The following PPP1CC variants were observed in gnomAD, a reference collection of about 807,000 sequenced individuals.
PPP1CC encodes protein phosphatase 1 catalytic subunit gamma.
PPP1CC carries 16 observed loss-of-function variants against 38.4 expected under a neutral mutation model. The observed-to-expected ratio is 0.42, with a 90% confidence interval of 0.28 to 0.63. The LOEUF (loss-of-function observed/expected upper bound fraction) is 0.63, where lower values mean the gene tolerates loss of function less well. PPP1CC is among the 30% of genes least tolerant of loss of function. The probability of loss-of-function intolerance (pLI) is 0.25; values close to 1 mark genes in which losing one functional copy is unlikely to be tolerated. For synonymous variants in PPP1CC, 158 were observed against 136.0 expected (o/e 1.16, Z -1.13); for missense variants, 170 against 391.3 (o/e 0.43, Z 4.77).
chr12:110,716,314 A>C (rs1279299677), downstream of PPP1CC, among the ~76,000 whole-genome samples: 2 of 152,102 alleles, frequency 1.3e-5, no homozygotes, highest in Non-Finnish European at 2.9e-5. Context: ...TTATGTAGGT[A>C]AAATTCTATT....
chr12:110,742,830 G>A lies in PPP1CC; in HGVS notation c.-123C>T, dbSNP rs1022021436. The A allele has an allele frequency of 1.4e-5, 10 of 725,548 alleles. No individual in the cohort carries two copies. Among genetic ancestry groups the A allele is most frequent in the Admixed American group, 8.7e-5 (2 of 22,948 alleles). The allele number at this position is 725,548 out of a possible 1,614,324, so 44.9% of individuals were successfully genotyped here. On this transcript the variant is annotated 5_prime_UTR_variant, in exon 1 of 7. Transcript: ENST00000335007. ...GCGGCGGTGGCAGCAGCCGCGGCGG[G>A]TCCCCCCCCTGCCACCCCGCTCCCT... is the stretch of plus-strand genomic sequence containing the variant.
intron 4 of PPP1CC, among the ~76,000 whole-genome samples, chr12:110,723,672 G>A (rs1258953366): frequency 6.6e-6 from 1 of 152,086 alleles, no homozygotes; most frequent in East Asian, 1.9e-4. Context: ...ATTACACCTG[G>A]CTAACTTTTA....
rs373754039 is a variant in PPP1CC, at chr12:110,729,353, C to A, written c.418+1176G>T. On this transcript the variant is annotated intron_variant, in intron 3 of 6. Transcript: ENST00000335007. ...GGGACTACAGGCATCTGCCACCACG[C>A]CTGGCTAATTTTTGTATTTTTAGTA... Among the ~76,000 whole-genome samples, 54 of 152,270 alleles carry A rather than the reference C, an allele frequency of 3.5e-4. 1 individual carries two copies. The South Asian group carries it at 0.011, about 30-fold the overall frequency.
the PPP1CC span, among the ~76,000 whole-genome samples, chr12:110,708,990 C>A: frequency 6.6e-6 from 1 of 152,008 alleles, no homozygotes; most frequent in Admixed American, 6.6e-5. Flanking sequence ...TCAATTCAGG[C>A]CGCAGAGAAT....
intron 4 of PPP1CC, among the ~76,000 whole-genome samples, chr12:110,723,015 G>A (rs1593573220): frequency 6.6e-6 from 1 of 152,216 alleles, no homozygotes; most frequent in East Asian, 1.9e-4. Flanking sequence ...CCCAGTTGAT[G>A]ACAATAATGA....
intron 1 of PPP1CC, among the ~76,000 whole-genome samples, chr12:110,739,252 G>A (rs1005666915): frequency 1.3e-5 from 2 of 151,996 alleles, no homozygotes; most frequent in Non-Finnish European, 2.9e-5. Context: ...AGGTTGCAGT[G>A]AGCCAGGATC....
intron 1 of PPP1CC, among the ~76,000 whole-genome samples, chr12:110,740,663 G>A (rs2070007740): frequency 6.6e-6 from 1 of 152,114 alleles, no homozygotes; most frequent in Non-Finnish European, 1.5e-5. Flanking sequence ...AGAAAACCTG[G>A]TTTTCAAGTG....
At chr12:110,724,622 G>A (rs1332485635) in intron 4 of PPP1CC, 38 bp downstream of exon 4, 7 of 1,219,420 alleles carry the variant, frequency 5.7e-6, no homozygotes, top group Non-Finnish European at 8.5e-6. Flanking sequence ...CTTTGGAAGG[G>A]ATCAAAACCT....
intron 1 of PPP1CC, chr12:110,732,284 C>T (rs2069881612): frequency 3.6e-6 from 1 of 274,850 alleles, no homozygotes; most frequent in African/African-American, 2.2e-5. Context: ...ATGGCGTGCA[C>T]CTGTAATCCC....
downstream of PPP1CC, among the ~76,000 whole-genome samples, chr12:110,716,755 C>A (rs1221508083): frequency 6.6e-6 from 1 of 152,202 alleles, no homozygotes; most frequent in Non-Finnish European, 1.5e-5. Context: ...ATTCTCACAA[C>A]TGAAATACTT....
At position 110,730,551 on chromosome 12, in the gene PPP1CC, T is replaced by C; in HGVS notation, c.396A>G (p.Arg132=). Residue 132 remains arginine (R), a synonymous_variant, in exon 3 of 7, where the codon AGA becomes AGG. Transcript: ENST00000335007. ...TACATTCATCATAAAATCCATAAAT[T>C]CTGTTGATGCTGGCACATTCATGGT... ...RGNHECASIN[R]IYGFYDECKR... is the part of the protein sequence containing the mutation. 1 of 1,609,390 alleles carries C rather than the reference T, an allele frequency of 6.2e-7. No individual in the cohort carries two copies. The highest frequency in any genetic ancestry group is 8.5e-7 in the Non-Finnish European group (1 of 1,178,498).
chr12:110,708,646 C>T, the PPP1CC span, among the ~76,000 whole-genome samples: 3 of 151,808 alleles, frequency 2.0e-5, no homozygotes, highest in Non-Finnish European at 2.9e-5. Flanking sequence ...GTCAGGAGCT[C>T]GAGAACAGCT....
At chr12:110,734,467 C>T (rs895127937) in intron 1 of PPP1CC, among the ~76,000 whole-genome samples, 6 of 152,156 alleles carry the variant, frequency 3.9e-5, no homozygotes, top group African/African-American at 1.2e-4. Context: ...CCTCAGCCTC[C>T]CGAGTACCTG....
chr12:110,724,632 T>C (rs1290245023), intron 4 of PPP1CC, 28 bp downstream of exon 4: 8 of 1,387,108 alleles, frequency 5.8e-6, no homozygotes, highest in Non-Finnish European at 7.2e-6. Flanking sequence ...GATCAAAACC[T>C]ATTTGGAACA....
Position 110,720,201 on chromosome 12 carries a change from G to C in PPP1CC, c.*875C>G. On this transcript the variant is annotated 3_prime_UTR_variant, in exon 7 of 7. Transcript: ENST00000335007. ...CTGAATGGACGGGTTCAGGCCTGAT[G>C]CAACTGTAAAAAGATTACTTAATGA... The C allele has an allele frequency of 6.5e-7, 1 of 1,549,222 alleles. No homozygotes were observed. Among genetic ancestry groups the C allele is most frequent in the Non-Finnish European group, 8.7e-7 (1 of 1,152,672 alleles).
chr12:110,727,620 A>G (rs1408855015), intron 3 of PPP1CC, among the ~76,000 whole-genome samples: 1 of 152,204 alleles, frequency 6.6e-6, no homozygotes, highest in Admixed American at 6.5e-5. Context: ...GTTAAAAAAA[A>G]AAAAAAAAGA....
the PPP1CC span, among the ~76,000 whole-genome samples, chr12:110,709,523 C>T: frequency 7.3e-5 from 11 of 150,092 alleles, no homozygotes; most frequent in East Asian, 1.4e-3. Context: ...CCATGGTGCC[C>T]GGCCAAAAAA....
the PPP1CC span, among the ~76,000 whole-genome samples, chr12:110,712,175 A>G: frequency 1.3e-5 from 2 of 152,038 alleles, no homozygotes; most frequent in Non-Finnish European, 2.9e-5. Flanking sequence ...CGTATAGCTT[A>G]TGTCATCTAG....
chr12:110,742,022 A>G (rs1347559434), intron 1 of PPP1CC, among the ~76,000 whole-genome samples: 1 of 152,168 alleles, frequency 6.6e-6, no homozygotes, highest in African/African-American at 2.4e-5. Flanking sequence ...TCAGGAAAAG[A>G]GCGCGGAGAC....
Sources: allele counts gnomAD v4.1 joint callset (sites outside exome capture counted in the v4.1 genomes callset), GRCh38; gene constraint gnomAD v4.1.1; transcripts MANE v1.5; gene names NCBI Gene and HGNC (gene_info 2026-07-23, HGNC 2026-07-21).